Variants in PPM1E observed in about 807,000 individuals in gnomAD.
PPM1E encodes the protein protein phosphatase, Mg2+/Mn2+ dependent 1E, also known as protein phosphatase 1E.
A neutral mutation model predicts 65.9 loss-of-function variants in PPM1E; 20 were observed. The observed-to-expected ratio is 0.30, with a 90% confidence interval of 0.21 to 0.44. The LOEUF is 0.44. Among genes scored for constraint, PPM1E ranks in the 20% least tolerant of loss-of-function variants. The pLI, the probability that PPM1E is intolerant of heterozygous loss-of-function variation, is 1.00. For synonymous variants in PPM1E, 352 were observed against 374.9 expected (o/e 0.94, Z 0.70); for missense variants, 713 against 953.1 (o/e 0.75, Z 3.32).
intron 1 of PPM1E, among the ~76,000 whole-genome samples, chr17:58,798,874 A>G (rs137936445): frequency 0.017 from 2,631 of 151,920 alleles, 81 homozygotes; most frequent in African/African-American, 0.06. Flanking sequence ...TTGTATTTTT[A>G]GTAGAGATGG....
At chr17:58,910,007 A>C (rs545229482) in intron 1 of PPM1E, among the ~76,000 whole-genome samples, 2 of 129,844 alleles carry the variant, frequency 1.5e-5, no homozygotes, top group East Asian at 4.6e-4. Flanking sequence ...GATTCAAGTG[A>C]TTCTCCTGCC....
Position 58,810,355 on chromosome 17 carries a change from C to T in PPM1E, c.464+53894C>T, listed in dbSNP as rs200257349. On this transcript the variant is annotated intron_variant, in intron 1 of 6. Coordinates refer to ENST00000308249, the MANE Select transcript of PPM1E (RefSeq NM_014906.5). Reference sequence around the variant, plus strand: ...CCGAGTAGCTGGGATTACAGGCACGCGCCACCATGCCCAGCTAATTTTTGT... The same window carrying T: ...CCGAGTAGCTGGGATTACAGGCACGTGCCACCATGCCCAGCTAATTTTTGT... 4.0e-5 allele frequency among the ~76,000 whole-genome samples: 6 copies of T among 151,842 alleles called. No individual in the cohort carries two copies. The East Asian group carries it at 5.8e-4, about 15-fold the overall frequency.
intron 1 of PPM1E, among the ~76,000 whole-genome samples, chr17:58,904,769 TA>T (rs2051536846): frequency 1.3e-5 from 2 of 151,676 alleles, no homozygotes; most frequent in African/African-American, 4.9e-5. Flanking sequence ...GGTGCTAATG[TA>T]AATGGTGTTG....
chr17:58,873,930 C>T (rs1398951887), intron 1 of PPM1E, among the ~76,000 whole-genome samples: 2 of 151,810 alleles, frequency 1.3e-5, no homozygotes, highest in Non-Finnish European at 2.9e-5. Context: ...GATTTTTACA[C>T]TACTATGAAA....
chr17:58,839,755 A>G (rs1208165322), intron 1 of PPM1E, among the ~76,000 whole-genome samples: 1 of 152,190 alleles, frequency 6.6e-6, no homozygotes, highest in East Asian at 1.9e-4. Flanking sequence ...TGAAAATTTT[A>G]CAAATCAACA....
intron 1 of PPM1E, among the ~76,000 whole-genome samples, chr17:58,938,191 T>C (rs941864830): frequency 1.3e-5 from 2 of 152,178 alleles, no homozygotes; most frequent in African/African-American, 4.8e-5. Context: ...GGAATAGAAT[T>C]ATAGAAGTAG....
chr17:58,778,015 G>A (rs978026964), intron 1 of PPM1E, among the ~76,000 whole-genome samples: 2 of 151,012 alleles, frequency 1.3e-5, no homozygotes, highest in African/African-American at 4.9e-5. Context: ...CTGCAGCCTC[G>A]GCCTCTGGGT....
At chr17:58,949,390 T>C (rs1466835512) in intron 1 of PPM1E, among the ~76,000 whole-genome samples, 6 of 152,216 alleles carry the variant, frequency 3.9e-5, no homozygotes, top group Non-Finnish European at 7.3e-5. Context: ...TATATCCTTA[T>C]AGATGAGGTG....
chr17:58,844,166 T>C (rs2050748964), intron 1 of PPM1E, among the ~76,000 whole-genome samples: 1 of 152,162 alleles, frequency 6.6e-6, no homozygotes, highest in Admixed American at 6.6e-5. Flanking sequence ...ATTTCACTTA[T>C]TACAAAGATT....
chr17:58,885,020 C>A (rs1353847395), intron 1 of PPM1E, among the ~76,000 whole-genome samples: 1 of 151,902 alleles, frequency 6.6e-6, no homozygotes, highest in Non-Finnish European at 1.5e-5. Context: ...CCTGGGAATT[C>A]TTGTAACCTC....
chr17:58,938,892 G>A (rs1008811562), intron 1 of PPM1E, among the ~76,000 whole-genome samples: 5 of 150,430 alleles, frequency 3.3e-5, no homozygotes, highest in African/African-American at 9.8e-5. Flanking sequence ...GGATTCAAGC[G>A]ATTCTTCTGC....
chr17:58,908,840 G>A (rs974531458), intron 1 of PPM1E, among the ~76,000 whole-genome samples: 4 of 152,082 alleles, frequency 2.6e-5, no homozygotes, highest in Non-Finnish European at 5.9e-5. Flanking sequence ...TTCACTGATA[G>A]TGTGAGTGTA....
chr17:58,785,739 T>TAGTACCAGACCC (rs2050094715), intron 1 of PPM1E: 1 of 151,884 alleles, frequency 6.6e-6, no homozygotes, highest in Non-Finnish European at 1.5e-5. Flanking sequence ...GAACTACAGA[T>TAGTACCAGACCC]AGTACCAGAC....
chr17:58,759,943 T>C (rs1598552979), intron 1 of PPM1E, among the ~76,000 whole-genome samples: 1 of 152,326 alleles, frequency 6.6e-6, no homozygotes, highest in East Asian at 1.9e-4. Flanking sequence ...ATAATACCAA[T>C]TTTTAAGTTG....
chr17:58,782,424 T>G (rs115158896), intron 1 of PPM1E, among the ~76,000 whole-genome samples: 1,674 of 149,150 alleles, frequency 0.011, 38 homozygotes, highest in African/African-American at 0.039. Context: ...TTTTTTGAGA[T>G]GGAGTCTTGG....
chr17:58,890,901 C>A (rs764330620), intron 1 of PPM1E, among the ~76,000 whole-genome samples: 6 of 152,224 alleles, frequency 3.9e-5, no homozygotes, highest in East Asian at 1.9e-4. Context: ...TGGCAAGGAC[C>A]TTTTCTCATT....
At chr17:58,839,315 T>C (rs2050694407) in intron 1 of PPM1E, among the ~76,000 whole-genome samples, 1 of 151,898 alleles carries the variant, frequency 6.6e-6, no homozygotes, top group Admixed American at 6.6e-5. Flanking sequence ...TGGCAAGACC[T>C]TGTCTCTAAA....
At chr17:58,816,772 A>T (rs1567842153) in intron 1 of PPM1E, among the ~76,000 whole-genome samples, 3 of 17,994 alleles carry the variant, frequency 1.7e-4, no homozygotes, top group Non-Finnish European at 2.6e-4. Context: ...ATATATATAT[A>T]TATATATATA....
At chr17:58,979,753 G>A (rs2031252265) in intron 6 of PPM1E, among the ~76,000 whole-genome samples, 2 of 152,160 alleles carry the variant, frequency 1.3e-5, no homozygotes, top group Non-Finnish European at 2.9e-5. Flanking sequence ...AAGGACTTAT[G>A]CCCAGTAACT....
Sources: gnomAD v4.1 joint callset for allele counts (sites outside exome capture counted in the v4.1 genomes callset) on GRCh38, gnomAD v4.1.1 for gene constraint, MANE v1.5 for transcripts, NCBI Gene and HGNC (gene_info 2026-07-23, HGNC 2026-07-21) for gene names.